Variants in CHST8 observed in about 807,000 individuals in gnomAD.
CHST8 encodes the protein carbohydrate sulfotransferase 8.
Under a neutral mutation model 15.0 loss-of-function variants are expected in CHST8, and 10 were observed. The ratio of observed to expected loss-of-function variants is 0.67; its 90% confidence interval spans 0.41 to 1.13. CHST8 has a LOEUF of 1.13. CHST8 is among the 50% of genes most tolerant of loss of function. CHST8 has a pLI of 0.00. For synonymous variants in CHST8, 259 were observed against 256.6 expected, an observed-to-expected ratio of 1.01 and a Z score of -0.09; for missense variants, 634 against 608.2, an observed-to-expected ratio of 1.04 and a Z score of -0.45.
intron 1 of CHST8, among the ~76,000 whole-genome samples, chr19:33,626,037 G>A (rs916240403): frequency 6.6e-6 from 1 of 152,066 alleles, no homozygotes; most frequent in Non-Finnish European, 1.5e-5. Flanking sequence ...ACTCCAGAGC[G>A]GCTGTGTTCC....
chr19:33,761,110 C>T (rs1005662125), intron 3 of CHST8, among the ~76,000 whole-genome samples: 6 of 152,184 alleles, frequency 3.9e-5, no homozygotes, highest in South Asian at 2.1e-4. Context: ...AGCCAGGGAG[C>T]GACACTGGGT....
At chr19:33,637,547 C>A (rs1003487485) in intron 1 of CHST8, among the ~76,000 whole-genome samples, 1 of 151,444 alleles carries the variant, frequency 6.6e-6, no homozygotes, top group East Asian at 2.0e-4. Flanking sequence ...GGACTACAGG[C>A]GCACGCTGCC....
chr19:33,716,486 C>G (rs1188049101), intron 3 of CHST8, among the ~76,000 whole-genome samples: 4 of 152,202 alleles, frequency 2.6e-5, no homozygotes, highest in Non-Finnish European at 5.9e-5. Context: ...CCTACCCCAG[C>G]CTTTTCAGTA....
At chr19:33,742,634 A>G (rs533089339) in intron 3 of CHST8, among the ~76,000 whole-genome samples, 75 of 152,310 alleles carry the variant, frequency 4.9e-4, no homozygotes, top group Middle Eastern at 3.4e-3. Context: ...GAGACAAAAC[A>G]TCCAAACCAT....
intron 3 of CHST8, among the ~76,000 whole-genome samples, chr19:33,724,672 C>G (rs1226785012): frequency 6.6e-6 from 1 of 152,204 alleles, no homozygotes; most frequent in Non-Finnish European, 1.5e-5. Context: ...CACTCCTGGG[C>G]CCTGCCCCTG....
chr19:33,740,298 C>A (rs969979008), intron 3 of CHST8, among the ~76,000 whole-genome samples: 2 of 152,156 alleles, frequency 1.3e-5, no homozygotes, highest in African/African-American at 2.4e-5. Flanking sequence ...CGCCCAGGGA[C>A]CTTTCTCAAG....
intron 3 of CHST8, among the ~76,000 whole-genome samples, chr19:33,700,652 T>C (rs1471941796): frequency 6.6e-6 from 1 of 152,148 alleles, no homozygotes; most frequent in Non-Finnish European, 1.5e-5. Context: ...CCTCCTTTTT[T>C]CTCATAAACT....
intron 3 of CHST8, among the ~76,000 whole-genome samples, chr19:33,703,150 G>C (rs1265737203): frequency 6.6e-6 from 1 of 152,230 alleles, no homozygotes; most frequent in Non-Finnish European, 1.5e-5. Context: ...GCTCCAAAGA[G>C]GCCCGAGGTA....
At chr19:33,652,730 C>G (rs1243165773) in intron 1 of CHST8, among the ~76,000 whole-genome samples, 3 of 151,918 alleles carry the variant, frequency 2.0e-5, no homozygotes, top group African/African-American at 7.3e-5. Context: ...CTTGCTTTTT[C>G]ATTGTTTCTT....
intron 1 of CHST8, among the ~76,000 whole-genome samples, chr19:33,664,623 T>A (rs1972630419): frequency 6.6e-6 from 1 of 152,016 alleles, no homozygotes; most frequent in Admixed American, 6.6e-5. Context: ...ACTGGACATC[T>A]CAAAAGGTTA....
At chr19:33,701,976 ATGTT>A (rs147152354) in intron 3 of CHST8, among the ~76,000 whole-genome samples, 3 of 151,844 alleles carry the variant, frequency 2.0e-5, no homozygotes, top group Admixed American at 6.6e-5. Flanking sequence ...CATGGTCTAT[ATGTT>A]TGTTTGTTTG....
rs1031357423 is a variant in CHST8, at chr19:33,622,158, T to G, written c.-302T>G. The G allele has an allele frequency of 1.4e-4, 21 of 152,212 alleles. No homozygotes were observed. Among genetic ancestry groups the G allele is most frequent in the African/African-American group, 5.1e-4 (21 of 41,546 alleles). 9.4% of individuals were successfully genotyped at this position (152,212 alleles called of 1,614,324 possible). ...CCCACAGATCGCACTGGGTTCCGCT[T>G]GGAGCGGGCGGAGGCACCGGGCCCG... On this transcript the variant is annotated 5_prime_UTR_variant, in exon 1 of 5. Coordinates refer to ENST00000650847, the MANE Select transcript of CHST8 (RefSeq NM_001127895.2).
At chr19:33,692,608 G>A (rs753840900) in intron 3 of CHST8, among the ~76,000 whole-genome samples, 2 of 152,148 alleles carry the variant, frequency 1.3e-5, no homozygotes, top group Non-Finnish European at 2.9e-5. Context: ...AAGCTGAGGT[G>A]GGAGGATCCT....
At chr19:33,667,976 G>T (rs1972684044) in intron 2 of CHST8, 133 bp downstream of exon 2, 1 of 152,140 alleles carries the variant, frequency 6.6e-6, no homozygotes, top group African/African-American at 2.4e-5. Context: ...ATGCCCTTGT[G>T]TCGGGGGAAA....
intron 1 of CHST8, among the ~76,000 whole-genome samples, chr19:33,640,415 G>C (rs1420401322): frequency 2.0e-5 from 3 of 152,220 alleles, no homozygotes; most frequent in African/African-American, 7.2e-5. Context: ...CTCCAGGTCT[G>C]TCCGTTCCTG....
At chr19:33,740,993 C>G (rs1165648015) in intron 3 of CHST8, among the ~76,000 whole-genome samples, 2 of 152,236 alleles carry the variant, frequency 1.3e-5, no homozygotes, top group African/African-American at 4.8e-5. Context: ...TCATTGGGAG[C>G]TGTCCGTGGT....
chr19:33,629,967 C>T (rs961787207), intron 1 of CHST8, among the ~76,000 whole-genome samples: 3 of 152,268 alleles, frequency 2.0e-5, no homozygotes, highest in Non-Finnish European at 4.4e-5. Flanking sequence ...GAAGCTGACA[C>T]AGGAGAGCCC....
chr19:33,650,554 T>C (rs1194858976), intron 1 of CHST8, among the ~76,000 whole-genome samples: 1 of 121,370 alleles, frequency 8.2e-6, no homozygotes, highest in Non-Finnish European at 1.7e-5. Context: ...TTTTGAGACA[T>C]AGTCTCTCAC....
intron 3 of CHST8, among the ~76,000 whole-genome samples, chr19:33,705,443 T>A (rs78826766): frequency 3.9e-4 from 60 of 152,260 alleles, no homozygotes; most frequent in South Asian, 6.2e-4. Flanking sequence ...AGAGTGGGGT[T>A]CTGGGGAGCG....
Sources: gnomAD v4.1 joint callset for allele counts (sites outside exome capture counted in the v4.1 genomes callset) on GRCh38, gnomAD v4.1.1 for gene constraint, MANE v1.5 for transcripts, NCBI Gene and HGNC (gene_info 2026-07-23, HGNC 2026-07-21) for gene names.